The following UBE2D2 variants were observed in gnomAD, a reference collection of about 807,000 sequenced individuals.
UBE2D2 encodes the protein ubiquitin conjugating enzyme E2 D2.
A neutral mutation model predicts 24.2 loss-of-function variants in UBE2D2; 2 were observed. That is an observed-to-expected ratio of 0.08 (90% confidence interval 0.03 to 0.26). UBE2D2 has a LOEUF of 0.26. Among genes scored for constraint, UBE2D2 ranks in the 10% least tolerant of loss-of-function variants. The pLI, the probability that UBE2D2 is intolerant of heterozygous loss-of-function variation, is 1.00. For synonymous variants in UBE2D2, 58 were observed against 56.5 expected (o/e 1.03, Z -0.12); for missense variants, 44 against 177.6 (o/e 0.25, Z 4.28).
chr5:139,616,691 G>A (rs1425549656), intron 5 of UBE2D2, among the ~76,000 whole-genome samples: 1 of 152,190 alleles, frequency 6.6e-6, no homozygotes, highest in Non-Finnish European at 1.5e-5. Context: ...CTGCCAGTAT[G>A]TGTTAAGAGA....
At chr5:139,610,539 CA>C (rs111324253) in intron 2 of UBE2D2, among the ~76,000 whole-genome samples, 22 of 141,694 alleles carry the variant, frequency 1.6e-4, no homozygotes, top group East Asian at 1.3e-3. Context: ...GACTCCGTCT[CA>C]AAAAAAAAAT....
At chr5:139,572,484 TA>T (rs1753371120) in intron 1 of UBE2D2, among the ~76,000 whole-genome samples, 1 of 152,080 alleles carries the variant, frequency 6.6e-6, no homozygotes, top group South Asian at 2.1e-4. Context: ...TAATCCCTGC[TA>T]CTCAAAAGGC....
chr5:139,601,385 A>T (rs527563913), intron 2 of UBE2D2, among the ~76,000 whole-genome samples: 3 of 152,014 alleles, frequency 2.0e-5, no homozygotes, highest in Non-Finnish European at 2.9e-5. Context: ...AGGTGAATCA[A>T]TTGAGCCCAG....
At chr5:139,584,785 G>A (rs1440795679) in intron 1 of UBE2D2, among the ~76,000 whole-genome samples, 9 of 151,072 alleles carry the variant, frequency 6.0e-5, no homozygotes, top group African/African-American at 1.7e-4. Context: ...CACCTGCCTC[G>A]GCCTCCCAAA....
chr5:139,575,812 C>T (rs1753457112), intron 1 of UBE2D2, among the ~76,000 whole-genome samples: 2 of 152,200 alleles, frequency 1.3e-5, no homozygotes, highest in Non-Finnish European at 2.9e-5. Flanking sequence ...AATCACTTGG[C>T]TGGGAGACCA....
chr5:139,534,876 C>T (rs989151175), intron 1 of UBE2D2, among the ~76,000 whole-genome samples: 1 of 152,122 alleles, frequency 6.6e-6, no homozygotes, highest in Non-Finnish European at 1.5e-5. Flanking sequence ...CGGTGGCTCA[C>T]ACCTGTAATC....
intron 5 of UBE2D2, among the ~76,000 whole-genome samples, chr5:139,616,882 TAA>T (rs1561521116): frequency 6.6e-6 from 1 of 152,152 alleles, no homozygotes; most frequent in Non-Finnish European, 1.5e-5. Context: ...CACATGCATT[TAA>T]AAGAGTATTG....
At chr5:139,598,919 C>CT (rs36027909) in intron 1 of UBE2D2, among the ~76,000 whole-genome samples, 3,836 of 76,226 alleles carry the variant, frequency 0.05, 647 homozygotes, top group Middle Eastern at 0.073. Context: ...AAATATATTC[C>CT]TTTTTTTTTT....
At chr5:139,561,020 T>C (rs965435797), upstream of UBE2D2, 1 of 152,658 alleles carries the variant, frequency 6.6e-6, no homozygotes, top group Non-Finnish European at 1.5e-5. Context: ...ACGGGGACGG[T>C]CGTGAGATCT....
intron 2 of UBE2D2, among the ~76,000 whole-genome samples, chr5:139,601,402 A>G (rs943069397): frequency 6.6e-6 from 1 of 152,152 alleles, no homozygotes; most frequent in Non-Finnish European, 1.5e-5. Flanking sequence ...CCAGGAGTTC[A>G]AGACCAGCTT....
chr5:139,622,223 A>ATTTTATT (rs886514268), intron 5 of UBE2D2, among the ~76,000 whole-genome samples: 1 of 151,698 alleles, frequency 6.6e-6, no homozygotes, highest in Non-Finnish European at 1.5e-5. Context: ...TATTTGTTTT[A>ATTTTATT]TTTTATTTTT....
chr5:139,562,238 C>T (rs1265568043), intron 1 of UBE2D2: 2 of 1,366,470 alleles, frequency 1.5e-6, no homozygotes, highest in Non-Finnish European at 9.7e-7. Context: ...CCCACACCTG[C>T]CCTAGCTCCC....
At chr5:139,564,552 C>G (rs1412169911) in intron 1 of UBE2D2, among the ~76,000 whole-genome samples, 1 of 151,938 alleles carries the variant, frequency 6.6e-6, no homozygotes, top group Non-Finnish European at 1.5e-5. Flanking sequence ...TTCCTGGGTT[C>G]AAGCGATTCT....
At chr5:139,600,296 T>C in intron 1 of UBE2D2, 76 bp from the exon 2 acceptor site, 1 of 1,479,154 alleles carries the variant, frequency 6.8e-7, no homozygotes, top group Non-Finnish European at 9.3e-7. Flanking sequence ...AGAATATTGG[T>C]AACAATATAA....
At chr5:139,556,286 C>T (rs1401163204), upstream of UBE2D2, among the ~76,000 whole-genome samples, 1 of 151,682 alleles carries the variant, frequency 6.6e-6, no homozygotes, top group African/African-American at 2.4e-5. Context: ...TGGTGCATGC[C>T]TGTAATCCCA....
intron 1 of UBE2D2, among the ~76,000 whole-genome samples, chr5:139,548,194 AAATAAAT>A (rs1752864087): frequency 5.2e-5 from 2 of 38,668 alleles, no homozygotes; most frequent in African/African-American, 2.6e-4. Context: ...TAAAAAAAAA[AAATAAAT>A]AAATAAATAA....
chr5:139,561,321 C>G (rs1753076316), upstream of UBE2D2: 1 of 154,170 alleles, frequency 6.5e-6, no homozygotes, highest in Admixed American at 6.5e-5. Context: ...CTCGGTCGGG[C>G]CCACCCCGTG....
upstream of UBE2D2, among the ~76,000 whole-genome samples, chr5:139,556,858 A>G (rs1752987692): frequency 6.6e-6 from 1 of 151,260 alleles, no homozygotes; most frequent in African/African-American, 2.4e-5. Flanking sequence ...TTTCTGCAAC[A>G]TAGTCTTGCT....
At chr5:139,579,805 T>C (rs1241613261) in intron 1 of UBE2D2, among the ~76,000 whole-genome samples, 3 of 151,914 alleles carry the variant, frequency 2.0e-5, no homozygotes, top group African/African-American at 7.2e-5. Context: ...CCCAGCACTT[T>C]GGAAGGCCGC....
Sources: gnomAD v4.1 joint callset for allele counts (sites outside exome capture counted in the v4.1 genomes callset) on GRCh38, gnomAD v4.1.1 for gene constraint, MANE v1.5 for transcripts, NCBI Gene and HGNC (gene_info 2026-07-23, HGNC 2026-07-21) for gene names.